Variants in SUPT3H observed in about 807,000 individuals in gnomAD.
SUPT3H encodes SPT3 homolog, SAGA and STAGA complex component, also known as transcription initiation protein SPT3 homolog.
A neutral mutation model predicts 44.3 loss-of-function variants in SUPT3H; 44 were observed. That is an observed-to-expected ratio of 0.99 (90% confidence interval 0.78 to 1.28). The LOEUF (loss-of-function observed/expected upper bound fraction) is 1.28. Among genes scored for constraint, SUPT3H ranks in the 50% most tolerant of loss-of-function variants. SUPT3H has a pLI of 0.00. For synonymous variants in SUPT3H, 124 were observed against 125.6 expected, an observed-to-expected ratio of 0.99 and a Z score of 0.09; for missense variants, 380 against 387.1, an observed-to-expected ratio of 0.98 and a Z score of 0.15.
intron 2 of SUPT3H, among the ~76,000 whole-genome samples, chr6:45,237,818 A>C (rs982512984): frequency 6.6e-6 from 1 of 152,196 alleles, no homozygotes; most frequent in South Asian, 2.1e-4. Context: ...TTAAGAAAAA[A>C]TCAGGTAAAT....
chr6:44,892,202 A>G (rs1489161775), intron 10 of SUPT3H, among the ~76,000 whole-genome samples: 1 of 152,082 alleles, frequency 6.6e-6, no homozygotes, highest in Non-Finnish European at 1.5e-5. Context: ...ATGTGACTAT[A>G]TTTGGAGACA....
chr6:45,242,699 G>A (rs1770592398), intron 2 of SUPT3H, among the ~76,000 whole-genome samples: 1 of 151,934 alleles, frequency 6.6e-6, no homozygotes. Flanking sequence ...TAAATTGCCT[G>A]GAAAAACAAA....
At chr6:44,999,183 G>A (rs940090665) in intron 6 of SUPT3H, among the ~76,000 whole-genome samples, 16 of 151,978 alleles carry the variant, frequency 1.1e-4, no homozygotes, top group African/African-American at 3.6e-4. Flanking sequence ...GAGAGAAAGC[G>A]ACAGTAAGAA....
At chr6:45,177,440 T>C (rs1326592100) in intron 2 of SUPT3H, among the ~76,000 whole-genome samples, 1 of 152,176 alleles carries the variant, frequency 6.6e-6, no homozygotes, top group Non-Finnish European at 1.5e-5. Context: ...AATCTACGTC[T>C]GATTGGTGTA....
intron 3 of SUPT3H, among the ~76,000 whole-genome samples, chr6:45,047,512 T>C (rs932278481): frequency 1.3e-5 from 2 of 152,136 alleles, no homozygotes; most frequent in African/African-American, 4.8e-5. Context: ...GAATTAAAGA[T>C]GGCCCATACA....
chr6:45,280,626 T>A (rs1384573102), intron 2 of SUPT3H, among the ~76,000 whole-genome samples: 1 of 152,218 alleles, frequency 6.6e-6, no homozygotes, highest in Non-Finnish European at 1.5e-5. Flanking sequence ...CTGTCTCTTT[T>A]CAATATATTC....
intron 2 of SUPT3H, among the ~76,000 whole-genome samples, chr6:45,176,378 G>A (rs1279159667): frequency 7.2e-5 from 11 of 151,900 alleles, no homozygotes; most frequent in East Asian, 3.9e-4. Context: ...GGCTTAAAAA[G>A]CGGCGAACCA....
intron 3 of SUPT3H, among the ~76,000 whole-genome samples, chr6:45,079,020 T>C (rs1453350054): frequency 6.6e-6 from 1 of 152,140 alleles, no homozygotes; most frequent in Non-Finnish European, 1.5e-5. Flanking sequence ...ATTATTTTGT[T>C]ACATATATTG....
chr6:45,127,686 T>C (rs1429138880), intron 2 of SUPT3H, among the ~76,000 whole-genome samples: 2 of 152,248 alleles, frequency 1.3e-5, no homozygotes, highest in Non-Finnish European at 2.9e-5. Context: ...TTTTCTCTAT[T>C]GTCTGTTTTC....
At chr6:45,163,578 A>T (rs1386900385) in intron 2 of SUPT3H, among the ~76,000 whole-genome samples, 1 of 152,226 alleles carries the variant, frequency 6.6e-6, no homozygotes, top group East Asian at 1.9e-4. Flanking sequence ...ATATGTAGGT[A>T]GTTATTTTTC....
intron 2 of SUPT3H, among the ~76,000 whole-genome samples, chr6:45,182,339 C>T (rs1813418460): frequency 1.3e-5 from 2 of 152,196 alleles, no homozygotes; most frequent in East Asian, 1.9e-4. Flanking sequence ...CGACTCACTG[C>T]AACCTCCGCC....
intron 2 of SUPT3H, among the ~76,000 whole-genome samples, chr6:45,242,492 G>A (rs1770548443): frequency 6.6e-6 from 1 of 152,150 alleles, no homozygotes; most frequent in East Asian, 1.9e-4. Flanking sequence ...CATTCTCAGA[G>A]CTCATATCAA....
chr6:45,123,254 A>T (rs6933244), intron 2 of SUPT3H, among the ~76,000 whole-genome samples: 11,495 of 152,250 alleles, frequency 0.076, 874 homozygotes, highest in African/African-American at 0.18. Flanking sequence ...GGTAAATGAG[A>T]TACAAATAAG....
intron 11 of SUPT3H, among the ~76,000 whole-genome samples, chr6:44,811,820 C>T (rs909295330): frequency 7.9e-5 from 12 of 151,954 alleles, no homozygotes; most frequent in Non-Finnish European, 1.3e-4. Context: ...CCACTTTTGG[C>T]ACTTGGTTGT....
chr6:45,364,761 TA>T (rs1794849156), intron 2 of SUPT3H, among the ~76,000 whole-genome samples: 1 of 152,156 alleles, frequency 6.6e-6, no homozygotes. Flanking sequence ...TTATCAGAAC[TA>T]AAAACTAATT....
In SUPT3H at chr6:44,928,882, C is replaced by CAAAAA. The variant is rs35656937; in HGVS notation, c.912+3766_912+3770dup. Among the ~76,000 whole-genome samples, 19 of 20,596 alleles carry CAAAAA rather than the reference C, an allele frequency of 9.2e-4. 1 individual carries two copies. The highest frequency in any genetic ancestry group is 1.3e-3 in the Admixed American group (2 of 1,586). The allele number at this position is 20,596 out of a possible 152,430, so 13.5% of individuals were successfully genotyped here. On this transcript the variant is annotated intron_variant, in intron 10 of 10. Coordinates refer to ENST00000371459, the MANE Select transcript of SUPT3H (RefSeq NM_003599.4). ...TGGGCGACAGAACGAGACTCCGTCT[C>CAAAAA]AAAAAAAAAAAAAAAAAAAAAAGAA...
chr6:45,128,031 AC>A (rs1802704096), intron 2 of SUPT3H, among the ~76,000 whole-genome samples: 1 of 151,962 alleles, frequency 6.6e-6, no homozygotes, highest in African/African-American at 2.4e-5. Context: ...TTATCATTAT[AC>A]CCCTCTTTAT....
intron 2 of SUPT3H, among the ~76,000 whole-genome samples, chr6:45,177,226 G>C (rs1328931375): frequency 1.3e-5 from 2 of 152,178 alleles, no homozygotes; most frequent in African/African-American, 4.8e-5. Context: ...GTGCTTAAAG[G>C]AGCTGATGGA....
chr6:45,337,769 TTA>T (rs1276345754), intron 2 of SUPT3H, among the ~76,000 whole-genome samples: 1 of 151,986 alleles, frequency 6.6e-6, no homozygotes, highest in Admixed American at 6.6e-5. Context: ...CTGTTGGTTG[TTA>T]TGTTTATTTT....
Sources: allele counts gnomAD v4.1 joint callset (sites outside exome capture counted in the v4.1 genomes callset), GRCh38; gene constraint gnomAD v4.1.1; transcripts MANE v1.5; gene names NCBI Gene and HGNC (gene_info 2026-07-23, HGNC 2026-07-21).